The following AGBL1 variants were observed in gnomAD, a reference collection of about 807,000 sequenced individuals.
The protein encoded by AGBL1 is cytosolic carboxypeptidase 4.
AGBL1 carries 130 observed loss-of-function variants against 118.9 expected under a neutral mutation model. The ratio of observed to expected loss-of-function variants is 1.09; its 90% confidence interval spans 0.95 to 1.26. The LOEUF (loss-of-function observed/expected upper bound fraction) is 1.26, where lower values mean the gene tolerates loss of function less well. Among genes scored for constraint, AGBL1 ranks in the 50% most tolerant of loss-of-function variants. The pLI is 0.00. For synonymous variants in AGBL1, 555 were observed against 478.9 expected (o/e 1.16, Z -2.08); for missense variants, 1,584 against 1,298.1 (o/e 1.22, Z -3.38).
At chr15:86,407,197 T>C (rs2081541913) in intron 18 of AGBL1, among the ~76,000 whole-genome samples, 1 of 152,210 alleles carries the variant, frequency 6.6e-6, no homozygotes, top group Non-Finnish European at 1.5e-5. Context: ...TACAACTACC[T>C]GAAAAAGTAA....
intron 17 of AGBL1, among the ~76,000 whole-genome samples, chr15:86,361,363 A>G (rs2080802492): frequency 6.6e-6 from 1 of 152,028 alleles, no homozygotes; most frequent in African/African-American, 2.4e-5. Context: ...TAGTGACTTA[A>G]CTTGTGATCT....
intron 7 of AGBL1, among the ~76,000 whole-genome samples, chr15:86,249,544 A>G (rs7164171): frequency 0.64 from 96,328 of 151,408 alleles, 31,781 homozygotes; most frequent in African/African-American, 0.82. Context: ...CTATTTCTCG[A>G]CATGAAGCAG....
chr15:86,335,823 A>G (rs577132952), intron 17 of AGBL1, among the ~76,000 whole-genome samples: 1 of 152,338 alleles, frequency 6.6e-6, no homozygotes, highest in Admixed American at 6.5e-5. Context: ...AGATCACAGC[A>G]CTTAAATTCA....
chr15:86,476,775 T>C (rs912873583), intron 18 of AGBL1, among the ~76,000 whole-genome samples: 17 of 152,294 alleles, frequency 1.1e-4, no homozygotes, highest in African/African-American at 4.1e-4. Context: ...CAACAGAATA[T>C]ACATTCTTCT....
chr15:86,475,372 T>C (rs1329097185), intron 18 of AGBL1, among the ~76,000 whole-genome samples: 1 of 152,052 alleles, frequency 6.6e-6, no homozygotes, highest in African/African-American at 2.4e-5. Context: ...TGTAGAGAAG[T>C]CCTTAAATGA....
At chr15:86,676,640 T>A (rs2085853552) in intron 22 of AGBL1, among the ~76,000 whole-genome samples, 1 of 152,210 alleles carries the variant, frequency 6.6e-6, no homozygotes, top group Admixed American at 6.5e-5. Flanking sequence ...CACAAATCTA[T>A]GTATGTTTTA....
chr15:86,386,851 T>C (rs960610162), intron 17 of AGBL1, among the ~76,000 whole-genome samples: 1 of 152,166 alleles, frequency 6.6e-6, no homozygotes, highest in African/African-American at 2.4e-5. Flanking sequence ...ATAGTGCCTG[T>C]TGCATCACAA....
At chr15:86,440,780 C>T (rs2082054741) in intron 18 of AGBL1, among the ~76,000 whole-genome samples, 1 of 152,160 alleles carries the variant, frequency 6.6e-6, no homozygotes, top group Non-Finnish European at 1.5e-5. Context: ...AACCAGGGAG[C>T]TTCCATCAAA....
chr15:86,153,831 C>G (rs2077151009), intron 3 of AGBL1, among the ~76,000 whole-genome samples: 1 of 152,186 alleles, frequency 6.6e-6, no homozygotes, highest in African/African-American at 2.4e-5. Flanking sequence ...TTATTTTTAT[C>G]TGAAATATTT....
At chr15:86,350,162 C>T (rs2141898992) in intron 17 of AGBL1, among the ~76,000 whole-genome samples, 1 of 152,300 alleles carries the variant, frequency 6.6e-6, no homozygotes, top group Admixed American at 6.5e-5. Flanking sequence ...ACACTGTGCA[C>T]CTCCTGTGTG....
Position 86,113,366 on chromosome 15 carries a change from C to T in AGBL1, c.52-28638C>T, listed in dbSNP as rs141762258. 6.8e-3 allele frequency among the ~76,000 whole-genome samples: 1,019 copies of T among 148,822 alleles called. 7 individuals carry two copies. The highest frequency in any genetic ancestry group is 0.02 in the African/African-American group (805 of 40,224). On this transcript the variant is annotated intron_variant, in intron 1 of 22. Coordinates refer to ENST00000614907, the MANE Select transcript of AGBL1 (RefSeq NM_001386094.1). ...GCAGTGGCACGATCTTGGCTCACTG[C>T]AACCTCTGCCTCCTGGGTTCAAGCA...
intron 1 of AGBL1, among the ~76,000 whole-genome samples, chr15:86,114,188 T>C (rs969686780): frequency 1.3e-5 from 2 of 152,230 alleles, no homozygotes; most frequent in Non-Finnish European, 2.9e-5. Context: ...ATATATAACA[T>C]GTTTGCCATT....
intron 5 of AGBL1, among the ~76,000 whole-genome samples, chr15:86,210,020 A>T (rs1470786909): frequency 6.6e-6 from 1 of 152,126 alleles, no homozygotes; most frequent in African/African-American, 2.4e-5. Context: ...GTGGTGACAA[A>T]ATCTCTCAGC....
At chr15:86,882,078 A>G (rs2079900984) in intron 22 of AGBL1, among the ~76,000 whole-genome samples, 1 of 152,202 alleles carries the variant, frequency 6.6e-6, no homozygotes, top group South Asian at 2.1e-4. Flanking sequence ...ATGGGAAACT[A>G]TGAAATTGCC....
intron 1 of AGBL1, among the ~76,000 whole-genome samples, chr15:86,138,599 T>C (rs956993805): frequency 6.6e-6 from 1 of 152,262 alleles, no homozygotes; most frequent in African/African-American, 2.4e-5. Flanking sequence ...GCATGAATCA[T>C]TGAATGAAAA....
At chr15:86,575,718 C>T (rs1056477203) in intron 21 of AGBL1, among the ~76,000 whole-genome samples, 13 of 151,704 alleles carry the variant, frequency 8.6e-5, no homozygotes, top group Non-Finnish European at 1.0e-4. Context: ...GCCTTCTAAG[C>T]GACTGGGCCT....
intron 21 of AGBL1, among the ~76,000 whole-genome samples, chr15:86,629,096 T>G (rs1428512695): frequency 6.6e-6 from 1 of 152,158 alleles, no homozygotes; most frequent in African/African-American, 2.4e-5. Context: ...ATTTACTCAT[T>G]TTATAGCTGT....
rs868594559 is a variant in AGBL1, at chr15:87,028,728, C to T, written c.3324-97C>T. ...ATCCATAGATGAGGAAAATGAATTT[C>T]GTATCTCTAAAAGGTCAATTTGCCA... On this transcript the variant is annotated intron_variant, in intron 24 of 24. Transcript: ENST00000441037. 22 of 1,064,950 alleles carry T rather than the reference C, an allele frequency of 2.1e-5. 1 individual carries two copies. In the Middle Eastern group the frequency reaches 1.0e-3, roughly 49 times the overall value. The allele number at this position is 1,064,950 out of a possible 1,614,324, so 66.0% of individuals were successfully genotyped here. A position where few individuals can be genotyped will look rare whatever the true frequency, so the allele number is the denominator to read the frequency against.
intron 3 of AGBL1, among the ~76,000 whole-genome samples, chr15:86,145,734 T>C (rs547970241): frequency 6.6e-6 from 1 of 152,332 alleles, no homozygotes; most frequent in African/African-American, 2.4e-5. Flanking sequence ...TTACTGCATG[T>C]CTCCTAGGGC....
Sources: gnomAD v4.1 joint callset for allele counts (sites outside exome capture counted in the v4.1 genomes callset) on GRCh38, gnomAD v4.1.1 for gene constraint, MANE v1.5 for transcripts, NCBI Gene and HGNC (gene_info 2026-07-23, HGNC 2026-07-21) for gene names.